The following CTPS2 variants were observed in gnomAD, a reference collection of about 807,000 sequenced individuals.
CTPS2 encodes CTP synthase 2, also known as CTP synthase II.
In CTPS2, 19 loss-of-function variants were observed where a neutral mutation model predicts 46.8. The ratio of observed to expected loss-of-function variants is 0.41; its 90% CI spans 0.28 to 0.60. The LOEUF (loss-of-function observed/expected upper bound fraction) is 0.60, where lower values mean the gene tolerates loss of function less well. Among genes scored for constraint, CTPS2 ranks in the 20% least tolerant of loss-of-function variants. The pLI, the probability that CTPS2 is intolerant of heterozygous loss-of-function variation, is 0.35. For synonymous variants in CTPS2, 151 were observed against 165.2 expected (o/e 0.91, Z 0.66); for missense variants, 286 against 447.6 (o/e 0.64, Z 3.26).
chrX:16,621,247 A>C (rs1930811583), intron 14 of CTPS2, among the ~76,000 whole-genome samples: 1 of 91,779 alleles, frequency 1.1e-5, no homozygotes, highest in Admixed American at 1.3e-4. Context: ...CGGATCCATC[A>C]CCAAACACCT....
intron 2 of CTPS2, among the ~76,000 whole-genome samples, chrX:16,701,703 C>T (rs960353612): frequency 9.1e-6 from 1 of 109,326 alleles, no homozygotes; most frequent in Admixed American, 9.7e-5. Flanking sequence ...TGGGTTCACG[C>T]CATTCTCCCA....
In CTPS2 at chrX:16,672,881, C is replaced by CTTTTTTTTT. The variant is rs1185799196; in HGVS notation, c.1095-2216_1095-2208dup. Among the ~76,000 whole-genome samples, 21 of 69,572 alleles carry CTTTTTTTTT rather than the reference C, an allele frequency of 3.0e-4. 2 individuals are homozygous for CTTTTTTTTT. Among genetic ancestry groups the CTTTTTTTTT allele is most frequent in the African/African-American group, 1.3e-3 (20 of 14,848 alleles). The allele number at this position is 69,572 out of a possible 115,157, so 60.4% of individuals were successfully genotyped here. ...GGTAAAAAGGATTTGTGAGGCTACT[C>CTTTTTTTTT]TTTTTTTTTTTTTTTTTTTTTTTGA... On this transcript the variant is annotated intron_variant, in intron 10 of 18. Transcript: ENST00000359276.
rs1012331636 is a variant in CTPS2 at position 16,601,576 on chromosome X, G to C, written c.1691+7965C>G. On this transcript the variant is annotated intron_variant, in intron 17 of 18. Transcript: ENST00000359276. ...CTATAAACCAAGGGAAGCCATCGGG[G>C]GGGGGGGGGTTTAAGTTCCAAAATA... Among the ~76,000 whole-genome samples, 256 of 68,026 alleles carry C rather than the reference G, an allele frequency of 3.8e-3. 2 individuals are homozygous for C. Among genetic ancestry groups the C allele is most frequent in the Admixed American group, 0.011 (74 of 6,970 alleles). 59.1% of individuals were successfully genotyped at this position (68,026 alleles called of 115,157 possible).
chrX:16,672,791 T>A (rs1188060958), intron 10 of CTPS2, among the ~76,000 whole-genome samples: 1 of 109,956 alleles, frequency 9.1e-6, no homozygotes, highest in Non-Finnish European at 1.9e-5. Context: ...CCTCTCTCTC[T>A]CTCTGTGCAA....
chrX:16,671,127 C>T (rs1236729748), intron 10 of CTPS2, among the ~76,000 whole-genome samples: 3 of 112,017 alleles, frequency 2.7e-5, no homozygotes, highest in African/African-American at 9.7e-5. Flanking sequence ...GGCTAGAAGA[C>T]TTCACAGACC....
At chrX:16,685,469 C>T (rs754207667) in intron 8 of CTPS2, among the ~76,000 whole-genome samples, 27 of 110,408 alleles carry the variant, frequency 2.4e-4, no homozygotes, top group Non-Finnish European at 3.8e-4. Context: ...CAGCCATCAC[C>T]GAATGTGAGG....
In CTPS2 at chrX:16,667,556, A is replaced by G. The variant is rs1921300736; in HGVS notation, c.1254T>C (p.Asp418=). 2.5e-6 allele frequency: 3 copies of G among 1,208,912 alleles called. No individual in the cohort carries two copies. Among genetic ancestry groups the G allele is most frequent in the Admixed American group, 2.2e-5 (1 of 45,651 alleles). ...TTGGCCTAAACTCTGTGGAATCAGC[A>G]TCTGAAGATTAAGAAAAGAGTTCAG... The part of the protein sequence containing the change: ...EFARNCLNLK[D]ADSTEFRPNA... Residue 418 remains aspartate, a splice_region_variant and synonymous_variant, in exon 13 of 19, where the codon GAT becomes GAC. Coordinates refer to ENST00000359276, the MANE Select transcript of CTPS2 (RefSeq NM_175859.3).
At chrX:16,656,719 C>T (rs769937615) in intron 13 of CTPS2, among the ~76,000 whole-genome samples, 4 of 108,370 alleles carry the variant, frequency 3.7e-5, no homozygotes, top group African/African-American at 1.0e-4. Flanking sequence ...CGGCCCATTT[C>T]CACTTTCAAA....
At chrX:16,663,795 T>C (rs571985217) in intron 13 of CTPS2, among the ~76,000 whole-genome samples, 24 of 111,415 alleles carry the variant, frequency 2.2e-4, no homozygotes, top group Middle Eastern at 9.3e-3. Flanking sequence ...TCTGTACCTT[T>C]TTCTGCAGGG....
chrX:16,689,539 G>A lies in CTPS2; in HGVS notation c.783C>T (p.Ser261=), dbSNP rs1417566240. 1 of 1,207,534 alleles carries A rather than the reference G, an allele frequency of 8.3e-7. No homozygotes were observed. Among genetic ancestry groups the A allele is most frequent in the African/African-American group, 1.7e-5 (1 of 57,143 alleles). The change falls in exon 8 of 19, where the codon AGC becomes AGT. Residue 261 remains serine (S), a synonymous_variant. Coordinates refer to ENST00000359276, the MANE Select transcript of CTPS2 (RefSeq NM_175859.3). The stretch of plus-strand genomic sequence containing the variant: ...ATCTCTCCTTAAAATATTTCACAAT[G>A]CTTTGTTCCTCTAAAAGCACAGGAA... ...YRVPVLLEEQ[S]IVKYFKERLH...
chrX:16,681,570 G>C (rs1173658445), intron 9 of CTPS2, among the ~76,000 whole-genome samples: 1 of 111,516 alleles, frequency 9.0e-6, no homozygotes, highest in Non-Finnish European at 1.9e-5. Flanking sequence ...TTTGGAGACA[G>C]GGTCTCAATC....
intron 4 of CTPS2, among the ~76,000 whole-genome samples, chrX:16,694,180 CA>C (rs368943336): frequency 9.0e-6 from 1 of 111,413 alleles, no homozygotes; most frequent in African/African-American, 3.3e-5. Flanking sequence ...AAAACAAAAA[CA>C]AAAAACTAGC....
intron 11 of CTPS2, among the ~76,000 whole-genome samples, chrX:16,668,770 AAAGGAAGGAAGGAAGGAAGG>A (rs753753580): frequency 4.1e-5 from 3 of 73,602 alleles, no homozygotes; most frequent in African/African-American, 1.2e-4. Flanking sequence ...GGAAGGAAGG[AAAGGAAGGAAGGAAGGAAGG>A]AAGGAAGGAA....
intron 14 of CTPS2, among the ~76,000 whole-genome samples, chrX:16,628,088 G>A (rs866786921): frequency 5.5e-4 from 61 of 111,589 alleles, no homozygotes; most frequent in African/African-American, 2.0e-3. Flanking sequence ...AGAAAGCACC[G>A]AGTTGCAGCC....
intron 17 of CTPS2, among the ~76,000 whole-genome samples, chrX:16,603,946 G>C (rs1929825863): frequency 9.0e-6 from 1 of 111,440 alleles, no homozygotes; most frequent in African/African-American, 3.3e-5. Context: ...GCACAGAGGA[G>C]AGAATGGACT....
At chrX:16,627,758 A>G (rs997297237) in intron 14 of CTPS2, among the ~76,000 whole-genome samples, 6 of 111,655 alleles carry the variant, frequency 5.4e-5, no homozygotes, top group African/African-American at 2.0e-4. Context: ...ACTGGCTTTC[A>G]GAAGAGGCCT....
chrX:16,637,573 T>C lies in CTPS2; in HGVS notation c.1393+1574A>G, dbSNP rs769526733. ...TTAACTATATTGAGTACAATGCTCT[T>C]TTTAAAAACTTAGTACAATTATCAC... On this transcript the variant is annotated intron_variant, in intron 14 of 18. Transcript: ENST00000359276. Among the ~76,000 whole-genome samples the C allele has an allele frequency of 1.5e-3, 171 of 112,581 alleles. 1 individual carries two copies. Among genetic ancestry groups the C allele is most frequent in the African/African-American group, 5.3e-3 (165 of 31,045 alleles).
Position 16,698,351 on chromosome X carries a change from A to G in CTPS2, c.338-15T>C. On this transcript the variant is annotated splice_polypyrimidine_tract_variant and intron_variant, in intron 3 of 18. Transcript: ENST00000359276. The stretch of plus-strand genomic sequence containing the variant: ...GTGAGGGACAACTGTAGAAAGAAGT[A>G]TTAATACAAAAGTTTATTCCATGCT... The G allele has an allele frequency of 2.7e-6, 3 of 1,104,724 alleles. No homozygotes were observed. Among genetic ancestry groups the G allele is most frequent in the Non-Finnish European group, 3.8e-6 (3 of 799,614 alleles). The allele number at this position is 1,104,724 out of a possible 1,213,427, so 91.0% of individuals were successfully genotyped here. A position where few individuals can be genotyped will look rare whatever the true frequency, so the allele number is the denominator to read the frequency against.
intron 13 of CTPS2, 112 bp downstream of exon 13, chrX:16,667,402 G>A: frequency 1.3e-6 from 1 of 789,896 alleles, no homozygotes. Flanking sequence ...CCAAAGTGCT[G>A]GGATTACAGG....
Sources: allele counts gnomAD v4.1 joint callset (sites outside exome capture counted in the v4.1 genomes callset), GRCh38; gene constraint gnomAD v4.1.1; transcripts MANE v1.5; gene names NCBI Gene and HGNC (gene_info 2026-07-23, HGNC 2026-07-21).